KMT2C: variants seen among roughly 807,000 people sequenced by gnomAD.
The protein encoded by KMT2C is lysine methyltransferase 2C, also known as histone-lysine N-methyltransferase 2C.
In KMT2C, 88 loss-of-function variants were observed where a neutral mutation model predicts 507.9. That is an observed-to-expected ratio of 0.17 (90% CI 0.15 to 0.21). The LOEUF (loss-of-function observed/expected upper bound fraction) is 0.21, where lower values mean the gene tolerates loss of function less well. Ranked by LOEUF, KMT2C falls within the 10% of genes least tolerant of loss-of-function variation. KMT2C has a pLI of 1.00. For missense variants in KMT2C, 4,954 were observed against 5,957.8 expected (o/e 0.83, Z 5.55); for synonymous variants, 2,049 against 2,080.8 (o/e 0.98, Z 0.42).
At chr7:152,313,261 C>CTAT (rs1262227821) in intron 4 of KMT2C, among the ~76,000 whole-genome samples, 1 of 151,770 alleles carries the variant, frequency 6.6e-6, no homozygotes, top group Non-Finnish European at 1.5e-5. Context: ...ACCAACAGTT[C>CTAT]ATCTATAACT....
intron 31 of KMT2C, among the ~76,000 whole-genome samples, chr7:152,193,162 C>T (rs376540697): frequency 4.6e-5 from 7 of 152,034 alleles, no homozygotes; most frequent in Admixed American, 1.3e-4. Flanking sequence ...GGTGACAGAG[C>T]GAGACCGTTT....
chr7:152,231,372 C>T (rs1170206945), intron 16 of KMT2C, among the ~76,000 whole-genome samples: 2 of 152,276 alleles, frequency 1.3e-5, no homozygotes, highest in Non-Finnish European at 2.9e-5. Context: ...ATACAATCCT[C>T]TTTCTTTAAA....
chr7:152,388,411 T>C (rs1451656788), intron 1 of KMT2C, among the ~76,000 whole-genome samples: 2 of 151,888 alleles, frequency 1.3e-5, no homozygotes, highest in Admixed American at 1.3e-4. Flanking sequence ...ATACAAAAAT[T>C]AGCCGGGCAT....
rs549680792 is a variant in KMT2C at position 152,135,693 on chromosome 7, T to C, written c.*1139A>G. 1.8e-4 allele frequency: 40 copies of C among 226,940 alleles called. 1 individual carries two copies. Among genetic ancestry groups the C allele is most frequent in the African/African-American group, 8.2e-4 (37 of 45,038 alleles). 14.1% of individuals were successfully genotyped at this position (226,940 alleles called of 1,614,324 possible). On this transcript the variant is annotated 3_prime_UTR_variant, in exon 59 of 59. Transcript: ENST00000262189. Reference sequence around the variant, plus strand: ...TCCATTTGGGTGTATTTTTAAGCAGTTATTCACAGTTATCACAAATTGTAA... The same window carrying C: ...TCCATTTGGGTGTATTTTTAAGCAGCTATTCACAGTTATCACAAATTGTAA...
chr7:152,395,253 T>A (rs752145706), intron 1 of KMT2C, among the ~76,000 whole-genome samples: 1 of 152,062 alleles, frequency 6.6e-6, no homozygotes, highest in Non-Finnish European at 1.5e-5. Context: ...GGCGCAACCA[T>A]GACTCACTGC....
chr7:152,408,963 T>C, intron 1 of KMT2C, among the ~76,000 whole-genome samples: 1 of 152,066 alleles, frequency 6.6e-6, no homozygotes, highest in East Asian at 1.9e-4. Flanking sequence ...TTAACATGCA[T>C]CTAATTCATC....
chr7:152,213,649 CCTT>C (rs1343167513), intron 23 of KMT2C, among the ~76,000 whole-genome samples: 1 of 151,934 alleles, frequency 6.6e-6, no homozygotes, highest in Non-Finnish European at 1.5e-5. Flanking sequence ...TTGATATCCT[CCTT>C]GACAATGATT....
At chr7:152,142,648 ACT>A (rs1363206861) in intron 55 of KMT2C, among the ~76,000 whole-genome samples, 5 of 152,240 alleles carry the variant, frequency 3.3e-5, no homozygotes, top group Admixed American at 6.5e-5. Flanking sequence ...ATATAGCAAC[ACT>A]GTTTGTTATG....
intron 1 of KMT2C, among the ~76,000 whole-genome samples, chr7:152,397,683 G>C (rs2097545412): frequency 6.6e-6 from 1 of 152,082 alleles, no homozygotes; most frequent in Admixed American, 6.6e-5. Flanking sequence ...TTGTGGAATG[G>C]ACACAGTGGG....
chr7:152,365,695 G>C (rs1281070432), intron 1 of KMT2C, among the ~76,000 whole-genome samples: 1 of 152,156 alleles, frequency 6.6e-6, no homozygotes, highest in African/African-American at 2.4e-5. Context: ...GTTTTGTTTT[G>C]AAGTGTGCTT....
chr7:152,380,888 G>A (rs1564056399), intron 1 of KMT2C, among the ~76,000 whole-genome samples: 3 of 152,238 alleles, frequency 2.0e-5, no homozygotes, highest in Admixed American at 6.5e-5. Context: ...TAAAAGCACC[G>A]AAAGGTAAGA....
At chr7:152,303,141 A>G (rs2096586035) in intron 6 of KMT2C, among the ~76,000 whole-genome samples, 1 of 152,206 alleles carries the variant, frequency 6.6e-6, no homozygotes, top group South Asian at 2.1e-4. Flanking sequence ...TCTTTTCTCT[A>G]GTAAAAAATG....
Position 152,156,056 on chromosome 7 carries a change from A to G in KMT2C, c.11814T>C (p.Val3938=). ...GKAGVLVSHE[V]TKTLGPKPFQ... ...ATGGTTTAGGTCCTAGAGTTTTGGT[A>G]ACTGGAAAAGCAAAAACACAAAACC... Residue 3938 remains valine (V), a splice_region_variant and synonymous_variant, in exon 46 of 59, where the codon GTT becomes GTC. Transcript: ENST00000262189. 1.3e-6 allele frequency: 2 copies of G among 1,596,758 alleles called. No individual in the cohort carries two copies. Among genetic ancestry groups the G allele is most frequent in the Non-Finnish European group, 1.7e-6 (2 of 1,174,006 alleles).
rs1563767078 is a variant in KMT2C at position 152,297,050 on chromosome 7, A to AG, written c.849+12915_849+12916insC. Among the ~76,000 whole-genome samples, 6 of 91,730 alleles carry AG rather than the reference A, an allele frequency of 6.5e-5. No individual in the cohort carries two copies. The East Asian group carries it at 1.3e-3, about 20-fold the overall frequency. The allele number at this position is 91,730 out of a possible 152,430, so 60.2% of individuals were successfully genotyped here. A position where few individuals can be genotyped will look rare whatever the true frequency, so the allele number is the denominator to read the frequency against. ...GAAAGAAAGAAAGAAAGAAAGAAAG[A>AG]AAGACAGAGAGAGAGAGAGAGAGAG... On this transcript the variant is annotated intron_variant, in intron 6 of 58. Coordinates refer to ENST00000262189, the MANE Select transcript of KMT2C (RefSeq NM_170606.3).
chr7:152,240,973 T>C (rs1273179063), intron 14 of KMT2C, among the ~76,000 whole-genome samples: 1 of 152,168 alleles, frequency 6.6e-6, no homozygotes, highest in Non-Finnish European at 1.5e-5. Context: ...CAAGTCACTA[T>C]TCTATTTCAA....
At chr7:152,421,424 T>C (rs1024691902) in intron 1 of KMT2C, among the ~76,000 whole-genome samples, 2 of 152,208 alleles carry the variant, frequency 1.3e-5, no homozygotes, top group Non-Finnish European at 2.9e-5. Flanking sequence ...CGTTCTACCA[T>C]AAAGACACAC....
chr7:152,330,366 C>T (rs1052329320), intron 3 of KMT2C, among the ~76,000 whole-genome samples: 1 of 152,008 alleles, frequency 6.6e-6, no homozygotes, highest in Non-Finnish European at 1.5e-5. Context: ...CTGTACTGGC[C>T]TGAGGTGACT....
At chr7:152,295,696 G>A (rs575170596) in intron 6 of KMT2C, among the ~76,000 whole-genome samples, 137 of 152,200 alleles carry the variant, frequency 9.0e-4, no homozygotes, top group African/African-American at 3.2e-3. Context: ...ATGCTTCAGA[G>A]GGGCTAAATA....
At chr7:152,279,714 C>T (rs1189720995) in intron 6 of KMT2C, among the ~76,000 whole-genome samples, 4 of 152,116 alleles carry the variant, frequency 2.6e-5, no homozygotes, top group Non-Finnish European at 5.9e-5. Context: ...CATCAAACGA[C>T]ATTACAAAAT....
Sources: allele counts gnomAD v4.1 joint callset (sites outside exome capture counted in the v4.1 genomes callset), GRCh38; gene constraint gnomAD v4.1.1; transcripts MANE v1.5; gene names NCBI Gene and HGNC (gene_info 2026-07-23, HGNC 2026-07-21).